Variants in SDK1 observed in about 807,000 individuals in gnomAD.
SDK1 encodes the protein sidekick cell adhesion molecule 1, also known as protein sidekick-1.
In SDK1, 157 loss-of-function variants were observed where a neutral mutation model predicts 245.5. That is an observed-to-expected ratio of 0.64 (90% confidence interval 0.56 to 0.73). SDK1 has a LOEUF of 0.73. Among genes scored for constraint, SDK1 ranks in the 30% least tolerant of loss-of-function variants. SDK1 has a pLI of 0.00. For synonymous variants in SDK1, 1,647 were observed against 1,278.5 expected (o/e 1.29, Z -6.15); for missense variants, 3,583 against 3,002.3 (o/e 1.19, Z -4.52).
chr7:4,103,633 A>G (rs542439074), intron 22 of SDK1, among the ~76,000 whole-genome samples: 2 of 152,336 alleles, frequency 1.3e-5, no homozygotes, highest in East Asian at 3.9e-4. Flanking sequence ...AATCATTCGC[A>G]TGTTCATTTG....
At chr7:3,540,498 C>T (rs955441352) in intron 1 of SDK1, among the ~76,000 whole-genome samples, 4 of 152,048 alleles carry the variant, frequency 2.6e-5, no homozygotes, top group African/African-American at 4.8e-5. Context: ...ACTGAAAAGG[C>T]GCAGTTAAAG....
chr7:3,562,690 T>C (rs1779785269), intron 1 of SDK1, among the ~76,000 whole-genome samples: 1 of 152,224 alleles, frequency 6.6e-6, no homozygotes, highest in Admixed American at 6.5e-5. Context: ...TTAAGTGTAC[T>C]GTTTGGTGGC....
intron 1 of SDK1, among the ~76,000 whole-genome samples, chr7:3,572,314 A>C (rs1483775280): frequency 6.6e-6 from 1 of 152,008 alleles, no homozygotes; most frequent in African/African-American, 2.4e-5. Flanking sequence ...GATTGATGGC[A>C]GTTCTAGGCA....
At chr7:4,231,520 C>T (rs1487636152) in intron 40 of SDK1, among the ~76,000 whole-genome samples, 1 of 150,258 alleles carries the variant, frequency 6.7e-6, no homozygotes, top group Non-Finnish European at 1.5e-5. Context: ...CTGCAGTGAG[C>T]TATGATTGCA....
intron 5 of SDK1, among the ~76,000 whole-genome samples, chr7:3,832,589 G>A (rs1299803882): frequency 6.6e-6 from 1 of 152,178 alleles, no homozygotes; most frequent in African/African-American, 2.4e-5. Context: ...AAGACCATTA[G>A]CAAATCCAGA....
chr7:3,395,332 A>G (rs960346534), intron 1 of SDK1, among the ~76,000 whole-genome samples: 1 of 151,848 alleles, frequency 6.6e-6, no homozygotes, highest in Non-Finnish European at 1.5e-5. Context: ...AAGATGGCTT[A>G]TCATCTTTTT....
intron 1 of SDK1, among the ~76,000 whole-genome samples, chr7:3,589,897 T>A (rs1186525966): frequency 6.6e-6 from 1 of 152,148 alleles, no homozygotes; most frequent in Non-Finnish European, 1.5e-5. Context: ...ATAAGCCAAG[T>A]AATAAGCAAT....
At chr7:3,702,313 A>G (rs1733550716) in intron 4 of SDK1, among the ~76,000 whole-genome samples, 2 of 152,246 alleles carry the variant, frequency 1.3e-5, no homozygotes, top group South Asian at 2.1e-4. Flanking sequence ...TGGGCAAAAG[A>G]CGAGACATTT....
chr7:3,585,421 G>C (rs1780652815), intron 1 of SDK1, among the ~76,000 whole-genome samples: 2 of 152,192 alleles, frequency 1.3e-5, no homozygotes, highest in African/African-American at 4.8e-5. Flanking sequence ...GAGCGTATAG[G>C]CTGCATAAGT....
Position 4,158,489 on chromosome 7 carries a change from CCAA to C in SDK1, c.4669_4671del (p.Asn1557del). 1 of 1,613,892 alleles carries C rather than the reference CCAA, an allele frequency of 6.2e-7. No homozygotes were observed. Among genetic ancestry groups the C allele is most frequent in the Non-Finnish European group, 8.5e-7 (1 of 1,180,006 alleles). On this transcript the variant is annotated inframe_deletion, in exon 31 of 45. Transcript: ENST00000404826. The stretch of plus-strand genomic sequence containing the variant: ...TCCTACAAGCTGCGCCTGAAAGCCA[CCAA>C]CGACATTGGGGACAGTGACTTCAGT...
At chr7:3,627,390 A>G (rs1782154748) in intron 2 of SDK1, among the ~76,000 whole-genome samples, 2 of 152,210 alleles carry the variant, frequency 1.3e-5, no homozygotes, top group Admixed American at 6.5e-5. Flanking sequence ...AATTCTGTGC[A>G]GGCTGCCACG....
intron 5 of SDK1, among the ~76,000 whole-genome samples, chr7:3,888,334 C>A (rs1781383402): frequency 2.0e-5 from 3 of 152,244 alleles, no homozygotes; most frequent in Non-Finnish European, 4.4e-5. Flanking sequence ...TGGCCCACAG[C>A]CTGGCCCACA....
intron 4 of SDK1, among the ~76,000 whole-genome samples, chr7:3,747,347 G>T (rs1031988961): frequency 5.3e-5 from 8 of 152,182 alleles, no homozygotes; most frequent in Admixed American, 4.6e-4. Context: ...TACTTGTAAG[G>T]GTGGAGTAAC....
chr7:3,480,139 A>C (rs1781469740), intron 1 of SDK1, among the ~76,000 whole-genome samples: 1 of 152,208 alleles, frequency 6.6e-6, no homozygotes, highest in African/African-American at 2.4e-5. Context: ...CTAATCTTGG[A>C]TTATCCAGGT....
intron 1 of SDK1, among the ~76,000 whole-genome samples, chr7:3,504,913 A>T (rs1383644057): frequency 6.6e-6 from 1 of 152,210 alleles, no homozygotes; most frequent in Non-Finnish European, 1.5e-5. Context: ...CTAGTTATGT[A>T]CCCAAGAAAA....
At chr7:4,172,789 T>C (rs9639711) in intron 32 of SDK1, among the ~76,000 whole-genome samples, 72,824 of 151,944 alleles carry the variant, frequency 0.48, 18,461 homozygotes, top group East Asian at 0.76. Context: ...TTTTCACTTA[T>C]GGACGCGTTA....
At chr7:3,973,892 C>G (rs946047738) in intron 12 of SDK1, among the ~76,000 whole-genome samples, 4 of 151,930 alleles carry the variant, frequency 2.6e-5, no homozygotes, top group African/African-American at 9.7e-5. Context: ...ATAAAATTCA[C>G]TCTTTTAGGC....
intron 5 of SDK1, among the ~76,000 whole-genome samples, chr7:3,867,241 A>T (rs1780843537): frequency 6.6e-6 from 1 of 152,186 alleles, no homozygotes; most frequent in Non-Finnish European, 1.5e-5. Flanking sequence ...CAAAGAAAAA[A>T]ATAGGCCCCT....
chr7:4,105,882 G>A (rs1413545992), intron 22 of SDK1, among the ~76,000 whole-genome samples: 1 of 152,182 alleles, frequency 6.6e-6, no homozygotes, highest in African/African-American at 2.4e-5. Context: ...TGGAGACTGC[G>A]TGATGCCTCC....
Sources: allele counts gnomAD v4.1 joint callset (sites outside exome capture counted in the v4.1 genomes callset), GRCh38; gene constraint gnomAD v4.1.1; transcripts MANE v1.5; gene names NCBI Gene and HGNC (gene_info 2026-07-23, HGNC 2026-07-21).